The following DLG2 variants were observed in gnomAD, a reference collection of about 807,000 sequenced individuals.
The protein encoded by DLG2 is disks large homolog 2.
A neutral mutation model predicts 132.5 loss-of-function variants in DLG2; 45 were observed. The observed-to-expected ratio is 0.34, with a 90% CI of 0.27 to 0.44. The LOEUF is 0.44. DLG2 is among the 20% of genes least tolerant of loss of function. The probability of loss-of-function intolerance (pLI) is 1.00; values close to 1 mark genes in which losing one functional copy is unlikely to be tolerated. For synonymous variants in DLG2, 424 were observed against 419.6 expected, an observed-to-expected ratio of 1.01 and a Z score of -0.13; for missense variants, 1,045 against 1,196.9, an observed-to-expected ratio of 0.87 and a Z score of 1.87.
At chr11:83,599,533 C>A (rs1240509447) in intron 19 of DLG2, among the ~76,000 whole-genome samples, 1 of 152,218 alleles carries the variant, frequency 6.6e-6, no homozygotes, top group Non-Finnish European at 1.5e-5. Flanking sequence ...CCATCTTGCC[C>A]TTCCTTTGTC....
chr11:84,425,172 G>C (rs1269298082), intron 7 of DLG2, among the ~76,000 whole-genome samples: 1 of 152,048 alleles, frequency 6.6e-6, no homozygotes, highest in Non-Finnish European at 1.5e-5. Flanking sequence ...ATGAGTATTT[G>C]TTGAATTGTT....
At chr11:84,476,801 T>C (rs980327942) in intron 7 of DLG2, among the ~76,000 whole-genome samples, 3 of 152,116 alleles carry the variant, frequency 2.0e-5, no homozygotes, top group African/African-American at 7.2e-5. Context: ...CTGCCAAACA[T>C]TTGAATGAAT....
At chr11:84,847,861 C>T (rs2081676882) in intron 6 of DLG2, among the ~76,000 whole-genome samples, 1 of 151,970 alleles carries the variant, frequency 6.6e-6, no homozygotes, top group African/African-American at 2.4e-5. Flanking sequence ...TCATAAAGTA[C>T]ATTAAGATCT....
chr11:85,296,467 C>CTTTTTTTTTTTTTTTTTTTATTTT (rs66526147), intron 3 of DLG2, among the ~76,000 whole-genome samples: 2 of 121,548 alleles, frequency 1.6e-5, no homozygotes, highest in Non-Finnish European at 3.4e-5. Context: ...TTTCGATTTT[C>CTTTTTTTTTTTTTTTTTTTATTTT]TTTTTTTTTT....
At chr11:84,766,160 G>A (rs1466503659) in intron 6 of DLG2, among the ~76,000 whole-genome samples, 2 of 151,994 alleles carry the variant, frequency 1.3e-5, no homozygotes, top group Non-Finnish European at 2.9e-5. Context: ...CAGTTGAATG[G>A]TATTTACAGG....
intron 4 of DLG2, among the ~76,000 whole-genome samples, chr11:85,202,172 A>G (rs2081519545): frequency 6.6e-6 from 1 of 151,914 alleles, no homozygotes; most frequent in Non-Finnish European, 1.5e-5. Flanking sequence ...AACTTTGCAA[A>G]CCTGGAAAAA....
chr11:83,690,682 G>C (rs1160952702), intron 18 of DLG2, among the ~76,000 whole-genome samples: 1 of 151,262 alleles, frequency 6.6e-6, no homozygotes, highest in Admixed American at 6.6e-5. Context: ...TGCTGTGGGT[G>C]GGGGTGGGGG....
At chr11:85,586,443 A>G (rs1182527493) in intron 3 of DLG2, among the ~76,000 whole-genome samples, 1 of 152,112 alleles carries the variant, frequency 6.6e-6, no homozygotes, top group African/African-American at 2.4e-5. Context: ...GAAGGGTTGT[A>G]TATTTCTTGG....
chr11:83,548,093 G>T (rs904881689), intron 19 of DLG2, among the ~76,000 whole-genome samples: 1 of 152,152 alleles, frequency 6.6e-6, no homozygotes, highest in Non-Finnish European at 1.5e-5. Context: ...GTAGGAAAGG[G>T]ATCCTGGTTA....
chr11:83,623,601 C>G (rs2061996680), intron 19 of DLG2, among the ~76,000 whole-genome samples: 1 of 152,206 alleles, frequency 6.6e-6, no homozygotes, highest in South Asian at 2.1e-4. Context: ...AACAGAGGAG[C>G]ATGTGCTTGA....
chr11:83,668,695 GTATA>G (rs917341836), intron 18 of DLG2, among the ~76,000 whole-genome samples: 1 of 15,484 alleles, frequency 6.5e-5, no homozygotes, highest in East Asian at 3.1e-3. Flanking sequence ...ATATATATGT[GTATA>G]TAAACACATA....
At chr11:84,314,006 A>G (rs966575618) in intron 7 of DLG2, among the ~76,000 whole-genome samples, 3 of 152,242 alleles carry the variant, frequency 2.0e-5, no homozygotes, top group Admixed American at 1.3e-4. Context: ...GAGGAACAAC[A>G]TAATGACAGA....
chr11:85,217,406 A>C (rs1595466111), intron 4 of DLG2, among the ~76,000 whole-genome samples: 1 of 152,074 alleles, frequency 6.6e-6, no homozygotes, highest in Admixed American at 6.6e-5. Flanking sequence ...GAAATTCTGA[A>C]TTGCAAGTCT....
chr11:84,721,975 G>C (rs1035600704), intron 6 of DLG2, among the ~76,000 whole-genome samples: 4 of 152,168 alleles, frequency 2.6e-5, no homozygotes, highest in Non-Finnish European at 5.9e-5. Context: ...GATATTATTT[G>C]ACATATTTTT....
At chr11:84,428,061 A>T (rs2098972654) in intron 7 of DLG2, among the ~76,000 whole-genome samples, 2 of 152,196 alleles carry the variant, frequency 1.3e-5, no homozygotes, top group African/African-American at 4.8e-5. Context: ...TTGTTGGGTG[A>T]ATAGTTTGCA....
intron 6 of DLG2, among the ~76,000 whole-genome samples, chr11:84,901,838 A>G (rs918359842): frequency 2.6e-5 from 4 of 152,064 alleles, no homozygotes; most frequent in African/African-American, 4.8e-5. Flanking sequence ...TCCAAATTCT[A>G]TAGCCATTTC....
intron 6 of DLG2, among the ~76,000 whole-genome samples, chr11:85,013,963 C>G (rs1460849270): frequency 6.6e-6 from 1 of 151,964 alleles, no homozygotes; most frequent in East Asian, 1.9e-4. Flanking sequence ...TAGTAAGTTT[C>G]TTTATTTGTA....
intron 14 of DLG2, among the ~76,000 whole-genome samples, chr11:83,955,986 T>G (rs560565120): frequency 6.6e-6 from 1 of 152,232 alleles, no homozygotes; most frequent in South Asian, 2.1e-4. Context: ...GACCTCACCT[T>G]GTGATCATGT....
chr11:84,277,271 G>A (rs187583442), intron 7 of DLG2, among the ~76,000 whole-genome samples: 20 of 152,246 alleles, frequency 1.3e-4, no homozygotes, highest in African/African-American at 4.6e-4. Flanking sequence ...ACAGCAAAAT[G>A]TACACATTTT....
Sources: allele counts gnomAD v4.1 joint callset (sites outside exome capture counted in the v4.1 genomes callset), GRCh38; gene constraint gnomAD v4.1.1; transcripts MANE v1.5; gene names NCBI Gene and HGNC (gene_info 2026-07-23, HGNC 2026-07-21).